EMC8: variants seen among roughly 807,000 people sequenced by gnomAD.
EMC8 encodes the protein ER membrane protein complex subunit 8, also known as COX4 neighbor.
Under a neutral mutation model 24.3 loss-of-function variants are expected in EMC8, and 11 were observed. The ratio of observed to expected loss-of-function variants is 0.45; its 90% CI spans 0.28 to 0.75. The LOEUF (loss-of-function observed/expected upper bound fraction) is 0.75, where lower values mean the gene tolerates loss of function less well. EMC8 is among the 30% of genes least tolerant of loss of function. The pLI, the probability that EMC8 is intolerant of heterozygous loss-of-function variation, is 0.12. For missense variants in EMC8, 277 were observed against 282.7 expected (o/e 0.98, Z 0.14); for synonymous variants, 145 against 117.7 (o/e 1.23, Z -1.50).
Position 85,788,962 on chromosome 16 carries a change from G to C in EMC8, c.308+12C>G, listed in dbSNP as rs370152957. 1.3e-6 allele frequency: 2 copies of C among 1,597,490 alleles called. No homozygotes were observed. The highest frequency in any genetic ancestry group is 1.7e-6 in the Non-Finnish European group (2 of 1,164,884). On this transcript the variant is annotated intron_variant, in intron 2 of 4. Coordinates refer to ENST00000253457, the MANE Select transcript of EMC8 (RefSeq NM_006067.5). ...CACTTCCTCGCCCACAGAGGGTTCT[G>C]CATCCACGTACCTGGCATCCTTTAC... is the stretch of plus-strand genomic sequence containing the variant.
chr16:85,779,648 A>C lies in EMC8; in HGVS notation c.*60T>G. On this transcript the variant is annotated 3_prime_UTR_variant, in exon 5 of 5. Coordinates refer to ENST00000253457, the MANE Select transcript of EMC8 (RefSeq NM_006067.5). ...ACAAGATATTTTATTTACATTTAAA[A>C]ATAGGTTTTCTTCTTCAACGTAGTG... The C allele has an allele frequency of 6.5e-7, 1 of 1,541,796 alleles. No homozygotes were observed. The highest frequency in any genetic ancestry group is 8.9e-7 in the Non-Finnish European group (1 of 1,117,358).
Position 85,779,949 on chromosome 16 carries a change from C to T in EMC8, c.474-82G>A, listed in dbSNP as rs1032983462. On this transcript the variant is annotated intron_variant, in intron 4 of 4. Coordinates refer to ENST00000253457, the MANE Select transcript of EMC8 (RefSeq NM_006067.5). Reference sequence around the variant, plus strand: ...CAGCATCAAGAGAGAAGGCCAGCCACATGCACAGTGGTATGAACAGAGATG... The same window carrying T: ...CAGCATCAAGAGAGAAGGCCAGCCATATGCACAGTGGTATGAACAGAGATG... 5.2e-6 allele frequency: 6 copies of T among 1,149,668 alleles called. No individual in the cohort carries two copies. The African/African-American group carries it at 9.0e-5, about 17-fold the overall frequency. 71.2% of individuals were successfully genotyped at this position (1,149,668 alleles called of 1,614,324 possible).
At chr16:85,781,614 C>T (rs796246861) in intron 2 of EMC8, 18 of 129,864 alleles carry the variant, frequency 1.4e-4, no homozygotes, top group South Asian at 3.2e-4. Context: ...TTTTTTTTTG[C>T]TTTTTTTTTT....
At chr16:85,782,144 C>A (rs563419807) in intron 2 of EMC8, among the ~76,000 whole-genome samples, 37 of 152,308 alleles carry the variant, frequency 2.4e-4, no homozygotes, top group African/African-American at 8.4e-4. Context: ...AGCTCCTGGG[C>A]CAAACTCCAA....
chr16:85,794,076 C>G (rs905647289), intron 1 of EMC8, among the ~76,000 whole-genome samples: 1 of 152,150 alleles, frequency 6.6e-6, no homozygotes, highest in African/African-American at 2.4e-5. Context: ...CTGAATGGAA[C>G]AGAGCCATGA....
chr16:85,783,475 G>T (rs540459573), intron 2 of EMC8, among the ~76,000 whole-genome samples: 3 of 152,136 alleles, frequency 2.0e-5, no homozygotes, highest in Non-Finnish European at 4.4e-5. Flanking sequence ...CTTCTTATCC[G>T]ATGTAACCTG....
At chr16:85,785,699 T>C (rs1023590618) in intron 2 of EMC8, among the ~76,000 whole-genome samples, 1 of 152,228 alleles carries the variant, frequency 6.6e-6, no homozygotes, top group Non-Finnish European at 1.5e-5. Context: ...TGATCCTGAA[T>C]GAAGACTGCC....
chr16:85,781,421 G>A, intron 2 of EMC8, 141 bp from the exon 3 acceptor site: 2 of 639,576 alleles, frequency 3.1e-6, no homozygotes, highest in Non-Finnish European at 2.9e-6. Flanking sequence ...TCGCTTCGCT[G>A]GTTTACTTAT....
chr16:85,793,861 C>G (rs1905125131), intron 1 of EMC8, among the ~76,000 whole-genome samples: 2 of 152,100 alleles, frequency 1.3e-5, no homozygotes, highest in Admixed American at 1.3e-4. Flanking sequence ...CCTTCACTAC[C>G]TACGTCAAAG....
In EMC8 at chr16:85,799,379, G is replaced by C. The variant is rs941244989; in HGVS notation, c.-84C>G. On this transcript the variant is annotated 5_prime_UTR_variant, in exon 1 of 5. Transcript: ENST00000253457. This position sits in a 1 kb window ranked among gnomAD's most constrained non-coding sequence, Gnocchi z 4.2. ...CCTGGCCGCGCGGCGCCTCAGCCGA[G>C]AAGCGGGACGAGGCGGCGGCGATTG... 3 of 853,700 alleles carry C rather than the reference G, an allele frequency of 3.5e-6. No individual in the cohort carries two copies. The African/African-American group carries it at 5.4e-5, about 15-fold the overall frequency. 52.9% of individuals were successfully genotyped at this position (853,700 alleles called of 1,614,324 possible). A position where few individuals can be genotyped will look rare whatever the true frequency, so the allele number is the denominator to read the frequency against.
rs927253352 is a variant in EMC8, at chr16:85,779,116, T to C, written c.*592A>G. The C allele has an allele frequency of 2.0e-5, 3 of 152,284 alleles. No homozygotes were observed. The highest frequency in any genetic ancestry group is 4.8e-5 in the African/African-American group (2 of 41,452). The allele number at this position is 152,284 out of a possible 1,614,324, so 9.4% of individuals were successfully genotyped here. ...GTGGCATCAGTGGTGTCACTCCCGC[T>C]GGGCAGAGTTGCGGTGGCTCTGTGA... On this transcript the variant is annotated 3_prime_UTR_variant, in exon 5 of 5. Transcript: ENST00000253457.
chr16:85,789,086 ACT>A, intron 1 of EMC8, 36 bp from the exon 2 acceptor site: 1 of 1,363,230 alleles, frequency 7.3e-7, no homozygotes, highest in Non-Finnish European at 1.1e-6. Flanking sequence ...AAGATGAATG[ACT>A]CTCCCTTAAA....
At chr16:85,780,945 C>A in intron 3 of EMC8, 1 of 525,482 alleles carries the variant, frequency 1.9e-6, no homozygotes, top group Non-Finnish European at 3.4e-6. Flanking sequence ...GGGGTGGGTG[C>A]CTGGGAATTC....
chr16:85,780,253 G>T, intron 4 of EMC8, 126 bp downstream of exon 4: 2 of 710,674 alleles, frequency 2.8e-6, no homozygotes, highest in Non-Finnish European at 4.9e-6. Flanking sequence ...CAGGAGCCGG[G>T]GAATATGCTT....
intron 1 of EMC8, among the ~76,000 whole-genome samples, chr16:85,798,114 GTTTTTTT>G (rs1163747067): frequency 2.2e-4 from 16 of 72,182 alleles, no homozygotes; most frequent in East Asian, 4.2e-4. Flanking sequence ...ACAGAAATTC[GTTTTTTT>G]TTTTTTTTTT....
intron 1 of EMC8, among the ~76,000 whole-genome samples, chr16:85,791,196 ATTGT>A (rs1291051236): frequency 6.6e-6 from 1 of 151,936 alleles, no homozygotes; most frequent in Non-Finnish European, 1.5e-5. Context: ...TTATCATATG[ATTGT>A]TTTTCTTAGA....
chr16:85,781,139 G>A (rs1409462017), intron 3 of EMC8, 72 bp downstream of exon 3: 12 of 1,089,772 alleles, frequency 1.1e-5, no homozygotes, highest in Non-Finnish European at 1.4e-5. Context: ...AAAGGAAACC[G>A]CCGCAGAGCA....
rs569880934 is a variant in EMC8 at position 85,780,534 on chromosome 16, C to T, written c.379-61G>A. 572 of 1,301,648 alleles carry T rather than the reference C, an allele frequency of 4.4e-4. 2 individuals carry two copies. The highest frequency in any genetic ancestry group is 3.1e-3 in the African/African-American group (215 of 69,240). The allele number at this position is 1,301,648 out of a possible 1,614,324, so 80.6% of individuals were successfully genotyped here. On this transcript the variant is annotated intron_variant, in intron 3 of 4. Transcript: ENST00000253457. ...ATGCCAGCCAAACAGCAGCGGCAGG[C>T]GCCTCCTCGGGGCTCTCCCTGCAGC... is the stretch of plus-strand genomic sequence containing the variant.
intron 1 of EMC8, 59 bp from the exon 2 acceptor site, chr16:85,789,109 TA>T (rs1279882185): frequency 1.8e-6 from 2 of 1,120,610 alleles, no homozygotes; most frequent in Non-Finnish European, 2.7e-6. Flanking sequence ...TATCAAGTCG[TA>T]AAAACCACAG....
Sources: allele counts gnomAD v4.1 joint callset (sites outside exome capture counted in the v4.1 genomes callset), GRCh38; gene constraint gnomAD v4.1.1; non-coding constraint Gnocchi (gnomAD v3.1); transcripts MANE v1.5; gene names NCBI Gene and HGNC (gene_info 2026-07-23, HGNC 2026-07-21).